PLEKHA5: variants seen among roughly 807,000 people sequenced by gnomAD.
PLEKHA5 encodes the protein pleckstrin homology domain containing A5.
In PLEKHA5, 55 loss-of-function variants were observed where a neutral mutation model predicts 181.9. The ratio of observed to expected loss-of-function variants is 0.30; its 90% confidence interval spans 0.24 to 0.38. The LOEUF (loss-of-function observed/expected upper bound fraction) is 0.38. PLEKHA5 is among the 10% of genes least tolerant of loss of function. The pLI is 1.00. For missense variants in PLEKHA5, 1,432 were observed against 1,549.5 expected (o/e 0.92, Z 1.27); for synonymous variants, 535 against 529.4 (o/e 1.01, Z -0.15).
At chr12:19,236,379 A>G (rs1386247207) in intron 3 of PLEKHA5, among the ~76,000 whole-genome samples, 1 of 152,130 alleles carries the variant, frequency 6.6e-6, no homozygotes, top group Admixed American at 6.6e-5. Flanking sequence ...CTACTATAGA[A>G]TCTATCTTGT....
At chr12:19,324,950 G>A (rs2091745234) in intron 20 of PLEKHA5, among the ~76,000 whole-genome samples, 1 of 152,122 alleles carries the variant, frequency 6.6e-6, no homozygotes, top group African/African-American at 2.4e-5. Flanking sequence ...TTAATGATTT[G>A]GTATCTGCTC....
chr12:19,222,665 A>G (rs1228424276), intron 3 of PLEKHA5, among the ~76,000 whole-genome samples: 2 of 152,122 alleles, frequency 1.3e-5, no homozygotes, highest in African/African-American at 4.8e-5. Context: ...GGGATGTGTA[A>G]ATGATTTTTG....
chr12:19,197,029 C>T (rs1334176500), intron 3 of PLEKHA5, among the ~76,000 whole-genome samples: 1 of 152,170 alleles, frequency 6.6e-6, no homozygotes, highest in Non-Finnish European at 1.5e-5. Flanking sequence ...ATACCTCCTG[C>T]CATCTGTACT....
chr12:19,182,133 A>G (rs946510620), intron 3 of PLEKHA5, among the ~76,000 whole-genome samples: 2 of 152,228 alleles, frequency 1.3e-5, no homozygotes, highest in African/African-American at 2.4e-5. Context: ...ACTTATTTAT[A>G]TACCAATTAA....
intron 3 of PLEKHA5, chr12:19,153,940 A>C (rs1052812111): frequency 2.0e-5 from 3 of 152,202 alleles, no homozygotes; most frequent in Non-Finnish European, 4.4e-5. Flanking sequence ...TGAGGTTAGA[A>C]TCAGTCATGG....
intron 4 of PLEKHA5, among the ~76,000 whole-genome samples, chr12:19,254,586 C>A (rs1433935059): frequency 5.3e-5 from 8 of 152,044 alleles, no homozygotes; most frequent in Non-Finnish European, 7.4e-5. Context: ...TTTGGGAGGC[C>A]AAGGTGGGCG....
chr12:19,358,567 C>A, intron 27 of PLEKHA5, 130 bp downstream of exon 27: 1 of 618,396 alleles, frequency 1.6e-6, no homozygotes, highest in South Asian at 2.1e-5. Flanking sequence ...ATTTAATTCT[C>A]CTAATAATAA....
chr12:19,234,736 A>G (rs1206814074), intron 3 of PLEKHA5, among the ~76,000 whole-genome samples: 3 of 152,328 alleles, frequency 2.0e-5, no homozygotes, highest in African/African-American at 2.4e-5. Context: ...CTCTGCCAGG[A>G]TAATACAAAA....
chr12:19,297,184 A>AC (rs1268681201), intron 15 of PLEKHA5, among the ~76,000 whole-genome samples: 1 of 152,138 alleles, frequency 6.6e-6, no homozygotes, highest in Non-Finnish European at 1.5e-5. Context: ...CCAAACATGT[A>AC]CCAACCCCCC....
At chr12:19,197,676 C>CTGTGTGTGTGTGTG (rs3056412) in intron 3 of PLEKHA5, among the ~76,000 whole-genome samples, 4 of 111,024 alleles carry the variant, frequency 3.6e-5, no homozygotes, top group South Asian at 3.7e-4. Context: ...CTATCCGGTG[C>CTGTGTGTGTGTGTG]TGTGTGTGTG....
chr12:19,212,831 TGTTG>T (rs1444202053), intron 3 of PLEKHA5, among the ~76,000 whole-genome samples: 1 of 89,344 alleles, frequency 1.1e-5, no homozygotes, highest in African/African-American at 3.9e-5. Flanking sequence ...GGTTTTTTTT[TGTTG>T]TTTTTTTTTT....
chr12:19,212,074 AT>A lies in PLEKHA5; in HGVS notation c.228-41862del, dbSNP rs146968470. On this transcript the variant is annotated intron_variant, in intron 3 of 31. Transcript: ENST00000429027. ...AGTCCAAACCAATGAACTTCTATAA[AT>A]TTTATTTAACGGAGGCTTGTATTAG... Among the ~76,000 whole-genome samples, 292 of 152,296 alleles carry A rather than the reference AT, an allele frequency of 1.9e-3. 1 individual carries two copies. The highest frequency in any genetic ancestry group is 6.7e-3 in the African/African-American group (279 of 41,564).
chr12:19,280,513 A>G (rs2075832494), intron 11 of PLEKHA5, among the ~76,000 whole-genome samples: 1 of 152,108 alleles, frequency 6.6e-6, no homozygotes, highest in Non-Finnish European at 1.5e-5. Context: ...GTAATTACCA[A>G]TATCTCTGAC....
chr12:19,226,457 T>C (rs1317826843), intron 3 of PLEKHA5, among the ~76,000 whole-genome samples: 1 of 152,208 alleles, frequency 6.6e-6, no homozygotes, highest in Admixed American at 6.5e-5. Flanking sequence ...TATATATACC[T>C]GGGAGTTGAA....
In PLEKHA5 at chr12:19,269,752, C is replaced by T. The variant is rs928139388; in HGVS notation, c.712-18C>T. 6 of 1,223,474 alleles carry T rather than the reference C, an allele frequency of 4.9e-6. No individual in the cohort carries two copies. Among genetic ancestry groups the T allele is most frequent in the Middle Eastern group, 1.9e-4 (1 of 5,200 alleles). The allele number at this position is 1,223,474 out of a possible 1,614,324, so 75.8% of individuals were successfully genotyped here. A position where few individuals can be genotyped will look rare whatever the true frequency, so the allele number is the denominator to read the frequency against. ...ATCCTATATTTTTATTTAAAATGAT[C>T]GTGTCATTTTCAATCAGGCAGCCCA... On this transcript the variant is annotated intron_variant, in intron 8 of 31. Coordinates refer to ENST00000429027, the MANE Select transcript of PLEKHA5 (RefSeq NM_001256470.2).
intron 3 of PLEKHA5, among the ~76,000 whole-genome samples, chr12:19,203,631 C>G (rs1017656095): frequency 6.6e-5 from 10 of 152,040 alleles, no homozygotes; most frequent in African/African-American, 2.4e-4. Flanking sequence ...TGCTTTCTCT[C>G]TTTTCTCTAA....
intron 22 of PLEKHA5, among the ~76,000 whole-genome samples, chr12:19,344,076 C>T (rs1254039293): frequency 6.6e-6 from 1 of 151,776 alleles, no homozygotes; most frequent in Non-Finnish European, 1.5e-5. Flanking sequence ...ATTTTCTCAG[C>T]TGCATTATAA....
intron 3 of PLEKHA5, among the ~76,000 whole-genome samples, chr12:19,236,375 T>C (rs1020155242): frequency 2.0e-5 from 3 of 152,170 alleles, no homozygotes; most frequent in Admixed American, 6.5e-5. Flanking sequence ...ATCACTACTA[T>C]AGAATCTATC....
At chr12:19,292,012 C>T (rs1440147670) in intron 15 of PLEKHA5, among the ~76,000 whole-genome samples, 1 of 152,138 alleles carries the variant, frequency 6.6e-6, no homozygotes, top group Non-Finnish European at 1.5e-5. Context: ...TGGAGCTGAC[C>T]TAATTAAAGG....
Sources: gnomAD v4.1 joint callset for allele counts (sites outside exome capture counted in the v4.1 genomes callset) on GRCh38, gnomAD v4.1.1 for gene constraint, MANE v1.5 for transcripts, NCBI Gene and HGNC (gene_info 2026-07-23, HGNC 2026-07-21) for gene names.